Variants in TSHZ2 observed in about 807,000 individuals in gnomAD.
The protein encoded by TSHZ2 is teashirt homolog 2.
A neutral mutation model predicts 74.4 loss-of-function variants in TSHZ2; 21 were observed. The ratio of observed to expected loss-of-function variants is 0.28; its 90% CI spans 0.20 to 0.41. The LOEUF (loss-of-function observed/expected upper bound fraction) is 0.41. TSHZ2 is among the 10% of genes least tolerant of loss of function. TSHZ2 has a pLI of 1.00. For synonymous variants in TSHZ2, 540 were observed against 515.3 expected, an observed-to-expected ratio of 1.05 and a Z score of -0.65; for missense variants, 1,244 against 1,293.5, an observed-to-expected ratio of 0.96 and a Z score of 0.59.
At chr20:53,240,574 G>A (rs1038516511) in intron 1 of TSHZ2, among the ~76,000 whole-genome samples, 1 of 152,214 alleles carries the variant, frequency 6.6e-6, no homozygotes, top group African/African-American at 2.4e-5. Context: ...CAGGAACTCA[G>A]CCCATGCCTA....
chr20:53,234,369 A>C (rs1217967367), intron 1 of TSHZ2, among the ~76,000 whole-genome samples: 1 of 152,236 alleles, frequency 6.6e-6, no homozygotes, highest in African/African-American at 2.4e-5. Context: ...CTTACCAAGC[A>C]CCATGCACAG....
chr20:53,294,217 C>T (rs187063844), intron 2 of TSHZ2, among the ~76,000 whole-genome samples: 5 of 152,128 alleles, frequency 3.3e-5, no homozygotes, highest in Admixed American at 2.0e-4. Context: ...AGGTACCTCC[C>T]TCAAAGGTTG....
At chr20:53,145,269 T>C (rs907896884) in intron 1 of TSHZ2, among the ~76,000 whole-genome samples, 1 of 151,842 alleles carries the variant, frequency 6.6e-6, no homozygotes, top group African/African-American at 2.4e-5. Flanking sequence ...AGAAAGAGAG[T>C]TGGAGGAGGA....
chr20:53,076,077 T>C (rs1985355813), intron 1 of TSHZ2, among the ~76,000 whole-genome samples: 1 of 152,180 alleles, frequency 6.6e-6, no homozygotes, highest in Non-Finnish European at 1.5e-5. Context: ...CTTTGTTCTG[T>C]AGACAGAAAA....
At chr20:53,213,115 T>C (rs984382406) in intron 1 of TSHZ2, among the ~76,000 whole-genome samples, 5 of 152,182 alleles carry the variant, frequency 3.3e-5, no homozygotes, top group African/African-American at 1.2e-4. Context: ...AAGTTTCAGT[T>C]TTTGTTGATT....
intron 2 of TSHZ2, among the ~76,000 whole-genome samples, chr20:53,438,460 T>C (rs930656231): frequency 6.6e-6 from 1 of 152,148 alleles, no homozygotes; most frequent in Admixed American, 6.5e-5. Context: ...GCCGTCATAA[T>C]AAGAAAATTT....
At chr20:53,093,639 G>C (rs1397046994) in intron 1 of TSHZ2, among the ~76,000 whole-genome samples, 2 of 152,148 alleles carry the variant, frequency 1.3e-5, no homozygotes. Context: ...TGTTTGCTTA[G>C]ATGTTACTTC....
intron 1 of TSHZ2, among the ~76,000 whole-genome samples, chr20:53,144,054 C>T (rs994845393): frequency 3.3e-5 from 5 of 151,946 alleles, no homozygotes; most frequent in Non-Finnish European, 7.4e-5. Flanking sequence ...TGGGTGGAGG[C>T]CACAAGACCA....
chr20:53,163,074 C>T (rs993781236), intron 1 of TSHZ2, among the ~76,000 whole-genome samples: 7 of 152,150 alleles, frequency 4.6e-5, no homozygotes, highest in Non-Finnish European at 1.0e-4. Flanking sequence ...TCCTGTCTAT[C>T]GGCCTCTCTG....
chr20:53,168,593 T>C (rs1325180225), intron 1 of TSHZ2: 1 of 152,248 alleles, frequency 6.6e-6, no homozygotes, highest in African/African-American at 2.4e-5. Context: ...TCTGTCTCCT[T>C]GTATTAGGAT....
At chr20:52,989,466 T>G (rs1453404633) in intron 1 of TSHZ2, among the ~76,000 whole-genome samples, 1 of 152,218 alleles carries the variant, frequency 6.6e-6, no homozygotes, top group Non-Finnish European at 1.5e-5. Flanking sequence ...CTTATTTCAC[T>G]TGATCAATCA....
chr20:53,253,363 C>T, intron 1 of TSHZ2, 136 bp from the exon 2 acceptor site: 1 of 1,348,200 alleles, frequency 7.4e-7, no homozygotes, highest in Non-Finnish European at 9.7e-7. Flanking sequence ...TTCCTGTGTC[C>T]ACTGCTCACA....
chr20:53,171,667 G>T (rs1397835567), intron 1 of TSHZ2, among the ~76,000 whole-genome samples: 1 of 151,938 alleles, frequency 6.6e-6, no homozygotes, highest in African/African-American at 2.4e-5. Context: ...TGAGCTATAT[G>T]CAGGAGCTAT....
chr20:53,036,482 C>T (rs1983822904), intron 1 of TSHZ2, among the ~76,000 whole-genome samples: 1 of 150,970 alleles, frequency 6.6e-6, no homozygotes, highest in Non-Finnish European at 1.5e-5. Flanking sequence ...AATAGAAACA[C>T]ATATACATAC....
At chr20:53,300,207 G>A (rs866324261) in intron 2 of TSHZ2, among the ~76,000 whole-genome samples, 8 of 152,122 alleles carry the variant, frequency 5.3e-5, no homozygotes, top group South Asian at 2.1e-4. Flanking sequence ...GTATTGTTTC[G>A]TAATGATCTT....
At chr20:53,383,527 AGGAGGGT>A in intron 2 of TSHZ2, among the ~76,000 whole-genome samples, 1 of 152,206 alleles carries the variant, frequency 6.6e-6, no homozygotes, top group African/African-American at 2.4e-5. Context: ...TGGGAGGCTG[AGGAGGGT>A]GGATCACTTG....
intron 1 of TSHZ2, among the ~76,000 whole-genome samples, chr20:53,007,693 G>GGT (rs965751153): frequency 1.3e-5 from 2 of 150,370 alleles, no homozygotes; most frequent in Admixed American, 6.7e-5. Context: ...ATGCGTGTGT[G>GGT]GTGTGTGTGT....
intron 2 of TSHZ2, among the ~76,000 whole-genome samples, chr20:53,403,123 G>A (rs1324265546): frequency 6.6e-6 from 1 of 152,108 alleles, no homozygotes; most frequent in African/African-American, 2.4e-5. Flanking sequence ...CATGCTCAGT[G>A]TTTAGCTCCT....
chr20:53,188,398 T>C (rs1336942295), intron 1 of TSHZ2, among the ~76,000 whole-genome samples: 1 of 152,218 alleles, frequency 6.6e-6, no homozygotes, highest in African/African-American at 2.4e-5. Context: ...AAAATCTACA[T>C]TGGACTAGAG....
Sources: allele counts gnomAD v4.1 joint callset (sites outside exome capture counted in the v4.1 genomes callset), GRCh38; gene constraint gnomAD v4.1.1; transcripts MANE v1.5; gene names NCBI Gene and HGNC (gene_info 2026-07-23, HGNC 2026-07-21).